LRRC37A2: variants seen among roughly 807,000 people sequenced by gnomAD.
The protein encoded by LRRC37A2 is leucine rich repeat containing 37 member A2.
In LRRC37A2, 9 loss-of-function variants were observed where a neutral mutation model predicts 68.8. The observed-to-expected ratio is 0.13, with a 90% confidence interval of 0.08 to 0.23. The LOEUF is 0.23. LRRC37A2 is among the 10% of genes least tolerant of loss of function. LRRC37A2 has a pLI of 1.00. For missense variants in LRRC37A2, 168 were observed against 950.4 expected (o/e 0.18, Z 10.82); for synonymous variants, 63 against 367.6 (o/e 0.17, Z 9.48).
the LRRC37A2 span, among the ~76,000 whole-genome samples, chr17:46,914,888 T>C: frequency 6.6e-6 from 1 of 152,108 alleles, no homozygotes; most frequent in Non-Finnish European, 1.5e-5. Context: ...TTCAAAGGGA[T>C]CTTTCTTTCC....
the LRRC37A2 span, among the ~76,000 whole-genome samples, chr17:46,817,885 G>T: frequency 9.9e-5 from 15 of 152,194 alleles, no homozygotes; most frequent in African/African-American, 3.6e-4. Context: ...AATAAAATCC[G>T]AATTCAATGG....
the LRRC37A2 span, chr17:46,931,527 C>T: frequency 7.3e-6 from 3 of 409,760 alleles, no homozygotes; most frequent in South Asian, 5.9e-5. Flanking sequence ...TTTTGTTCTG[C>T]TCTTTGGTTC....
chr17:47,026,453 C>A, the LRRC37A2 span, among the ~76,000 whole-genome samples: 1,315 of 152,272 alleles, frequency 8.6e-3, 30 homozygotes, highest in African/African-American at 0.03. Context: ...CTGGACTCCA[C>A]CCTCGTAGTT....
intron 6 of LRRC37A2, among the ~76,000 whole-genome samples, chr17:46,531,775 G>T (rs2053666590): frequency 1.2e-5 from 1 of 82,052 alleles, no homozygotes; most frequent in Admixed American, 1.3e-4. Context: ...TGACATTCTT[G>T]TCACCATGTC....
chr17:46,605,239 G>A, the LRRC37A2 span, among the ~76,000 whole-genome samples: 4 of 75,912 alleles, frequency 5.3e-5, no homozygotes, highest in African/African-American at 2.1e-4. Flanking sequence ...ATCACCTGAG[G>A]TCAGGAGTTC....
chr17:47,017,565 C>A, the LRRC37A2 span: 1 of 1,597,110 alleles, frequency 6.3e-7, no homozygotes, highest in Non-Finnish European at 8.5e-7. Flanking sequence ...GGAGCCAGAG[C>A]AGTTCTTGGC....
the LRRC37A2 span, among the ~76,000 whole-genome samples, chr17:46,583,417 G>A: frequency 1.3e-5 from 1 of 74,108 alleles, no homozygotes; most frequent in African/African-American, 3.9e-5. Flanking sequence ...TGGCTCAGCC[G>A]CCCCAGTAGC....
At chr17:46,502,986 G>C in the LRRC37A2 span, among the ~76,000 whole-genome samples, 1 of 150,622 alleles carries the variant, frequency 6.6e-6, no homozygotes, top group Non-Finnish European at 1.5e-5. Flanking sequence ...GCTGAGGTGG[G>C]TGGATCCCGA....
At chr17:46,905,780 T>TTGTGTGTGTG in the LRRC37A2 span, among the ~76,000 whole-genome samples, 276 of 117,038 alleles carry the variant, frequency 2.4e-3, 2 homozygotes, top group Middle Eastern at 8.6e-3. Flanking sequence ...CTCTGTGTGT[T>TTGTGTGTGTG]TGTGTGTGTG....
the LRRC37A2 span, chr17:46,975,605 C>G: frequency 6.6e-5 from 10 of 152,388 alleles, no homozygotes; most frequent in African/African-American, 2.4e-4. Context: ...CTCACCCCTT[C>G]TCAGGACCCC....
the LRRC37A2 span, among the ~76,000 whole-genome samples, chr17:46,812,996 A>G: frequency 1.3e-5 from 2 of 152,158 alleles, no homozygotes; most frequent in Non-Finnish European, 2.9e-5. Context: ...CAGGTAGTAC[A>G]TGAAAAAGCC....
At chr17:46,439,289 C>A in the LRRC37A2 span, among the ~76,000 whole-genome samples, 1 of 123,408 alleles carries the variant, frequency 8.1e-6, no homozygotes, top group African/African-American at 3.0e-5. Context: ...AAGAATAAAA[C>A]AATCACTCAG....
the LRRC37A2 span, among the ~76,000 whole-genome samples, chr17:46,816,951 G>A: frequency 6.6e-6 from 1 of 152,224 alleles, no homozygotes; most frequent in Non-Finnish European, 1.5e-5. Flanking sequence ...CCTTCCTGAA[G>A]TCCCTGGCTG....
chr17:47,002,388 A>AT, the LRRC37A2 span, among the ~76,000 whole-genome samples: 29,720 of 140,188 alleles, frequency 0.21, 3,027 homozygotes, highest in Middle Eastern at 0.34. Flanking sequence ...TTTTATTTTT[A>AT]TTTTTTTTTT....
the LRRC37A2 span, among the ~76,000 whole-genome samples, chr17:46,869,298 G>T: frequency 6.6e-6 from 1 of 152,168 alleles, no homozygotes; most frequent in Non-Finnish European, 1.5e-5. Flanking sequence ...ATGCCTCTGG[G>T]GTGGGGCCTG....
chr17:46,825,481 G>A, the LRRC37A2 span, among the ~76,000 whole-genome samples: 1 of 152,224 alleles, frequency 6.6e-6, no homozygotes. Flanking sequence ...ACGAGGAATG[G>A]GACTACCCTC....
At chr17:46,888,718 A>G in the LRRC37A2 span, among the ~76,000 whole-genome samples, 1 of 152,118 alleles carries the variant, frequency 6.6e-6, no homozygotes, top group Non-Finnish European at 1.5e-5. Flanking sequence ...TCCCCATGCT[A>G]GGAAGGGACA....
At chr17:46,558,508 TC>T (rs1479926926), downstream of LRRC37A2, among the ~76,000 whole-genome samples, 8 of 122,774 alleles carry the variant, frequency 6.5e-5, 1 homozygote, top group East Asian at 1.9e-3. Context: ...TGCCTCAGCC[TC>T]CCGAATAGCT....
the LRRC37A2 span, among the ~76,000 whole-genome samples, chr17:46,494,778 T>C: frequency 6.6e-6 from 1 of 151,218 alleles, no homozygotes; most frequent in Non-Finnish European, 1.5e-5. Flanking sequence ...TCAAATCAGG[T>C]TAATTAGGGT....
Sources: allele counts gnomAD v4.1 joint callset (sites outside exome capture counted in the v4.1 genomes callset), GRCh38; gene constraint gnomAD v4.1.1; transcripts MANE v1.5; gene names NCBI Gene and HGNC (gene_info 2026-07-23, HGNC 2026-07-21).